Variants in ENTREP2 observed in about 807,000 individuals in gnomAD.
The protein encoded by ENTREP2 is protein ENTREP2.
chr15:29,301,035 G>T, the ENTREP2 span, among the ~76,000 whole-genome samples: 1 of 152,204 alleles, frequency 6.6e-6, no homozygotes, highest in African/African-American at 2.4e-5. Flanking sequence ...CTAGGGAGAA[G>T]GACTGAAATA....
At chr15:29,253,817 A>G in the ENTREP2 span, among the ~76,000 whole-genome samples, 174 of 152,032 alleles carry the variant, frequency 1.1e-3, no homozygotes, top group East Asian at 0.012. Flanking sequence ...GGGTTTCCAA[A>G]ATAGTGCTAG....
At chr15:29,675,184 C>T in the ENTREP2 span, 1 of 152,882 alleles carries the variant, frequency 6.5e-6, no homozygotes, top group African/African-American at 2.4e-5. Context: ...CCTCCCCTGC[C>T]TCCTGGCCGC....
At chr15:29,560,090 G>A in the ENTREP2 span, among the ~76,000 whole-genome samples, 1 of 152,200 alleles carries the variant, frequency 6.6e-6, no homozygotes, top group Non-Finnish European at 1.5e-5. Context: ...CACTTACGGG[G>A]CTACCAGAAT....
chr15:29,454,195 T>C, the ENTREP2 span, among the ~76,000 whole-genome samples: 1 of 152,248 alleles, frequency 6.6e-6, no homozygotes, highest in Non-Finnish European at 1.5e-5. Context: ...CTCTGATTAC[T>C]TGTGAGGTTT....
At chr15:29,650,834 C>A in the ENTREP2 span, among the ~76,000 whole-genome samples, 2 of 151,942 alleles carry the variant, frequency 1.3e-5, no homozygotes, top group Non-Finnish European at 2.9e-5. Flanking sequence ...CATAGCAAGA[C>A]CCTGTTTCCA....
the ENTREP2 span, among the ~76,000 whole-genome samples, chr15:29,661,880 T>C: frequency 7.9e-5 from 12 of 152,308 alleles, no homozygotes; most frequent in African/African-American, 2.9e-4. Context: ...ATGTTTTCCA[T>C]GTCCATGTCT....
chr15:29,240,485 ATGC>A, the ENTREP2 span, among the ~76,000 whole-genome samples: 9 of 152,150 alleles, frequency 5.9e-5, no homozygotes, highest in African/African-American at 2.2e-4. Context: ...GAATGGATTA[ATGC>A]TGATTATAAA....
the ENTREP2 span, among the ~76,000 whole-genome samples, chr15:29,258,289 A>T: frequency 6.6e-6 from 1 of 152,042 alleles, no homozygotes; most frequent in Non-Finnish European, 1.5e-5. Context: ...AAGTTACGGC[A>T]GTCCCATATC....
At chr15:29,128,726 G>A in the ENTREP2 span, 15 of 1,238,500 alleles carry the variant, frequency 1.2e-5, no homozygotes, top group African/African-American at 1.0e-4. Flanking sequence ...GGACGAGGAC[G>A]AAAAAGAGAC....
the ENTREP2 span, among the ~76,000 whole-genome samples, chr15:29,227,516 G>A: frequency 6.6e-6 from 1 of 152,264 alleles, no homozygotes; most frequent in Non-Finnish European, 1.5e-5. Flanking sequence ...AGTCCATAAG[G>A]GTCATCAGGC....
the ENTREP2 span, among the ~76,000 whole-genome samples, chr15:29,421,858 T>C: frequency 2.0e-5 from 3 of 152,176 alleles, no homozygotes; most frequent in Non-Finnish European, 4.4e-5. Flanking sequence ...AGGATTAACA[T>C]CAGCTAATTT....
chr15:29,195,524 T>G, the ENTREP2 span, among the ~76,000 whole-genome samples: 1 of 152,110 alleles, frequency 6.6e-6, no homozygotes, highest in Non-Finnish European at 1.5e-5. Flanking sequence ...TTTATATTTA[T>G]TTATCCATTT....
chr15:29,134,809 G>A, the ENTREP2 span, among the ~76,000 whole-genome samples: 2 of 152,224 alleles, frequency 1.3e-5, no homozygotes, highest in Non-Finnish European at 2.9e-5. Context: ...CACCTGGCTT[G>A]CGTGCATGTG....
At chr15:29,516,171 T>C in the ENTREP2 span, among the ~76,000 whole-genome samples, 1 of 151,970 alleles carries the variant, frequency 6.6e-6, no homozygotes, top group South Asian at 2.1e-4. Flanking sequence ...GACCCAGGCA[T>C]TGGTATTTTT....
chr15:29,485,324 A>G, the ENTREP2 span, among the ~76,000 whole-genome samples: 300 of 152,112 alleles, frequency 2.0e-3, no homozygotes, highest in Non-Finnish European at 3.8e-3. Flanking sequence ...TGAAGACAGC[A>G]GCAGCATTCC....
At chr15:29,240,856 G>A in the ENTREP2 span, among the ~76,000 whole-genome samples, 2 of 152,196 alleles carry the variant, frequency 1.3e-5, no homozygotes, top group Non-Finnish European at 2.9e-5. Context: ...TGCTCAAGCA[G>A]TGCCCTGCAC....
chr15:29,400,858 G>T, the ENTREP2 span, among the ~76,000 whole-genome samples: 1 of 152,236 alleles, frequency 6.6e-6, no homozygotes, highest in Non-Finnish European at 1.5e-5. Flanking sequence ...GAGGTCGGAG[G>T]CTCCTGCAGA....
At chr15:29,187,421 G>A in the ENTREP2 span, among the ~76,000 whole-genome samples, 8 of 152,026 alleles carry the variant, frequency 5.3e-5, no homozygotes, top group African/African-American at 1.2e-4. Flanking sequence ...GATTACAGGC[G>A]TGTGCCACCA....
chr15:29,630,986 GT>G, the ENTREP2 span, among the ~76,000 whole-genome samples: 1 of 152,108 alleles, frequency 6.6e-6, no homozygotes, highest in Non-Finnish European at 1.5e-5. Context: ...TTTAGATTGA[GT>G]AAATTTTATT....
Sources: gnomAD v4.1 joint callset for allele counts (sites outside exome capture counted in the v4.1 genomes callset) on GRCh38, gnomAD v4.1.1 for gene constraint, MANE v1.5 for transcripts, NCBI Gene and HGNC (gene_info 2026-07-23, HGNC 2026-07-21) for gene names.